Variants in ARF1 observed in about 807,000 individuals in gnomAD.
ARF1 encodes the protein ARF GTPase 1.
Under a neutral mutation model 18.0 loss-of-function variants are expected in ARF1, and 1 was observed. That is an observed-to-expected ratio of 0.06 (90% CI 0.02 to 0.26). The LOEUF (loss-of-function observed/expected upper bound fraction) is 0.26, where lower values mean the gene tolerates loss of function less well. Among genes scored for constraint, ARF1 ranks in the 10% least tolerant of loss-of-function variants. The pLI is 1.00. For synonymous variants in ARF1, 112 were observed against 96.3 expected, an observed-to-expected ratio of 1.16 and a Z score of -0.95; for missense variants, 73 against 247.2, an observed-to-expected ratio of 0.30 and a Z score of 4.73.
chr1:228,085,207 C>T (rs1476526871), intron 1 of ARF1, among the ~76,000 whole-genome samples: 2 of 152,254 alleles, frequency 1.3e-5, no homozygotes, highest in Non-Finnish European at 2.9e-5. Flanking sequence ...CCCGTAGCGT[C>T]TGAAGTGGTC....
intron 1 of ARF1, among the ~76,000 whole-genome samples, chr1:228,086,440 C>T (rs555300200): frequency 5.9e-5 from 9 of 151,268 alleles, no homozygotes; most frequent in African/African-American, 1.5e-4. Flanking sequence ...GGCGTGAACC[C>T]GGGAGGTGGA....
In ARF1 at chr1:228,082,935, TGGGGCCCG is replaced by T. The variant is rs2124838553; in HGVS notation, c.-38+172_-38+179del. On this transcript the variant is annotated intron_variant, in intron 1 of 4. Transcript: ENST00000272102. This position sits in a 1 kb window ranked among gnomAD's most constrained non-coding sequence, Gnocchi z 6.1. Reference sequence around the variant, plus strand: ...GGACGCAGACGGGCCGGGCTGAGGCTGGGGCCCGGCCGGAGTCGGGGCTGGGCGGACGG... The same window carrying T: ...GGACGCAGACGGGCCGGGCTGAGGCTGCCGGAGTCGGGGCTGGGCGGACGG... 6.6e-6 allele frequency: 1 copy of T among 152,322 alleles called. No homozygotes were observed. Among genetic ancestry groups the T allele is most frequent in the South Asian group, 1.9e-4 (1 of 5,274 alleles). The allele number at this position is 152,322 out of a possible 1,614,324, so 9.4% of individuals were successfully genotyped here. A position where few individuals can be genotyped will look rare whatever the true frequency, so the allele number is the denominator to read the frequency against.
In ARF1 at chr1:228,098,347, G is replaced by A. The variant is rs1005145583; in HGVS notation, c.*334G>A. On this transcript the variant is annotated 3_prime_UTR_variant, in exon 5 of 5. Coordinates refer to ENST00000272102, the MANE Select transcript of ARF1 (RefSeq NM_001658.4). ...CAGGAGTCGCTGTGTTGGGAGAGCC[G>A]GCCACGCCCTTGGCTTTAGAGCTGT... 3 of 205,812 alleles carry A rather than the reference G, an allele frequency of 1.5e-5. No individual in the cohort carries two copies. The highest frequency in any genetic ancestry group is 5.6e-5 in the Admixed American group (1 of 17,770). The allele number at this position is 205,812 out of a possible 1,614,324, so 12.7% of individuals were successfully genotyped here.
rs967357968 is a variant in ARF1 at position 228,089,189 on chromosome 1, C to T, written c.-38+6424C>T. Among the ~76,000 whole-genome samples, 10 of 152,048 alleles carry T rather than the reference C, an allele frequency of 6.6e-5. No homozygotes were observed. The highest frequency in any genetic ancestry group is 2.0e-4 in the Admixed American group (3 of 15,272). ...AAAGTCTTGAAGAGAAATGTGGGGT[C>T]GTTGTGTAGGGGCCACCATCACCTG... On this transcript the variant is annotated intron_variant, in intron 1 of 4. Coordinates refer to ENST00000272102, the MANE Select transcript of ARF1 (RefSeq NM_001658.4). This position sits in a 1 kb window ranked among gnomAD's most constrained non-coding sequence, Gnocchi z 4.1.
chr1:228,082,734 C>T lies in ARF1; in HGVS notation c.-69C>T, dbSNP rs111867710. On this transcript the variant is annotated 5_prime_UTR_variant, in exon 1 of 5. Coordinates refer to ENST00000272102, the MANE Select transcript of ARF1 (RefSeq NM_001658.4). This position sits in a 1 kb window ranked among gnomAD's most constrained non-coding sequence, Gnocchi z 6.1. ...GAGCCGCCATCTTGTGGGAGCAAAA[C>T]CAACGCCTGGCTCGGAGCAGCAGCC... 6.6e-6 allele frequency: 1 copy of T among 151,930 alleles called. No homozygotes were observed. Among genetic ancestry groups the T allele is most frequent in the Non-Finnish European group, 1.5e-5 (1 of 67,976 alleles). The allele number at this position is 151,930 out of a possible 1,614,324, so 9.4% of individuals were successfully genotyped here. A position where few individuals can be genotyped will look rare whatever the true frequency, so the allele number is the denominator to read the frequency against.
At position 228,097,278 on chromosome 1, in the gene ARF1, G is replaced by A. The variant is rs2032779915; in HGVS notation, c.148+16G>A. The A allele has an allele frequency of 1.9e-6, 3 of 1,609,402 alleles. No homozygotes were observed. The highest frequency in any genetic ancestry group is 2.5e-6 in the Non-Finnish European group (3 of 1,177,068). On this transcript the variant is annotated intron_variant, in intron 2 of 4. Transcript: ENST00000272102. This position sits in a 1 kb window ranked among gnomAD's most constrained non-coding sequence, Gnocchi z 8.1. ...CCCACCATAGGTGAGGTGGGGGCCAGCAGGGAGTGGGCTGGGCTGGGCTGG... is the reference window on the plus strand; with the variant it reads ...CCCACCATAGGTGAGGTGGGGGCCAACAGGGAGTGGGCTGGGCTGGGCTGG...
chr1:228,094,526 A>G (rs2032675025), intron 1 of ARF1, among the ~76,000 whole-genome samples: 1 of 152,030 alleles, frequency 6.6e-6, no homozygotes, highest in Non-Finnish European at 1.5e-5. Flanking sequence ...CCAACCCCAT[A>G]ATAAGAATAC....
Position 228,097,270 on chromosome 1 carries a change from G to A in ARF1, c.148+8G>A, listed in dbSNP as rs755663535. 6.8e-6 allele frequency: 11 copies of A among 1,609,694 alleles called. No homozygotes were observed. In the South Asian group the frequency reaches 1.1e-4, roughly 16 times the overall value. The stretch of plus-strand genomic sequence containing the variant: ...CCACCATTCCCACCATAGGTGAGGT[G>A]GGGGCCAGCAGGGAGTGGGCTGGGC... On this transcript the variant is annotated splice_region_variant and intron_variant, in intron 2 of 4. Coordinates refer to ENST00000272102, the MANE Select transcript of ARF1 (RefSeq NM_001658.4). The surrounding 1 kb of genome is among the most constrained non-coding windows in gnomAD (Gnocchi z 8.1).
intron 1 of ARF1, among the ~76,000 whole-genome samples, chr1:228,095,244 T>C (rs2032703210): frequency 7.8e-6 from 1 of 127,636 alleles, no homozygotes; most frequent in Non-Finnish European, 1.6e-5. Flanking sequence ...TCTCTTATGT[T>C]GGTGGCCTTT....
chr1:228,097,918 A>G lies in ARF1; in HGVS notation c.451A>G (p.Arg151Gly). Residue 151 changes from arginine (R) to glycine (G), a missense_variant, in exon 5 of 5, where the codon AGG becomes GGG. Arg to Gly is a moderately radical substitution (Grantham distance 125, BLOSUM62 -2). Around this residue, in one of 3 missense-constraint regions of ARF1, gnomAD observed 48 missense variants for 144.7 expected, o/e 0.33. Transcript: ENST00000272102. The surrounding 1 kb of genome is among the most constrained non-coding windows in gnomAD (Gnocchi z 8.1). ...DKLGLHSLRH[R>G]NWYIQATCAT... ...GCTGGGGCTGCACTCACTACGCCAC[A>G]GGAACTGGTACATTCAGGCCACCTG... The G allele has an allele frequency of 6.2e-7, 1 of 1,614,190 alleles. No individual in the cohort carries two copies. Among genetic ancestry groups the G allele is most frequent in the Non-Finnish European group, 8.5e-7 (1 of 1,180,022 alleles).
intron 1 of ARF1, among the ~76,000 whole-genome samples, chr1:228,093,820 C>T (rs146725028): frequency 4.0e-5 from 6 of 151,654 alleles, no homozygotes; most frequent in Non-Finnish European, 5.9e-5. Flanking sequence ...CCCAGCTACT[C>T]GGGAAGCTGA....
chr1:228,096,401 T>C (rs1408612538), intron 1 of ARF1: 3 of 152,284 alleles, frequency 2.0e-5, no homozygotes, highest in African/African-American at 7.2e-5. Flanking sequence ...TTCGTGAAAT[T>C]GCCCACTGGC....
intron 1 of ARF1, chr1:228,088,223 A>G (rs73092948): frequency 0.011 from 1,688 of 152,680 alleles, 23 homozygotes; most frequent in African/African-American, 0.037. Flanking sequence ...GACAGGTGCC[A>G]TGTGAGCAGA....
chr1:228,093,442 G>A (rs977635703), intron 1 of ARF1, among the ~76,000 whole-genome samples: 3 of 152,082 alleles, frequency 2.0e-5, no homozygotes, highest in African/African-American at 4.8e-5. Flanking sequence ...GAGGCAGGAC[G>A]TGCCAGCCAC....
At chr1:228,088,791 C>G (rs923415179) in intron 1 of ARF1, among the ~76,000 whole-genome samples, 1 of 152,190 alleles carries the variant, frequency 6.6e-6, no homozygotes, top group African/African-American at 2.4e-5. Context: ...CCTTTACTCC[C>G]CATTGCATCA....
chr1:228,084,256 C>G (rs770374242), intron 1 of ARF1, among the ~76,000 whole-genome samples: 15 of 152,304 alleles, frequency 9.8e-5, no homozygotes, highest in Middle Eastern at 3.4e-3. Context: ...TTAGCTGGGT[C>G]CAAAATTGAG....
At chr1:228,088,961 G>A (rs546135210) in intron 1 of ARF1, among the ~76,000 whole-genome samples, 43 of 152,322 alleles carry the variant, frequency 2.8e-4, no homozygotes, top group African/African-American at 9.4e-4. Flanking sequence ...GGCGGCAGCC[G>A]TGGGGCAGCT....
intron 1 of ARF1, among the ~76,000 whole-genome samples, chr1:228,094,930 A>C (rs2032691356): frequency 1.3e-5 from 2 of 152,228 alleles, no homozygotes; most frequent in Non-Finnish European, 2.9e-5. Context: ...TTTGCGCTTC[A>C]GCCCTTTGAG....
In ARF1 at chr1:228,098,619, C is replaced by T. The variant is rs6920; in HGVS notation, c.*606C>T. ...GTAGAGATCCCCGCAACTCGCTTGT[C>T]CTTGGGTCACCCTGCATTCCATAGC... On this transcript the variant is annotated 3_prime_UTR_variant, in exon 5 of 5. Transcript: ENST00000272102. 0.013 allele frequency: 1,940 copies of T among 152,772 alleles called. 17 individuals carry two copies. The highest frequency in any genetic ancestry group is 0.031 in the Middle Eastern group (9 of 294). The allele number at this position is 152,772 out of a possible 1,614,324, so 9.5% of individuals were successfully genotyped here.
Sources: allele counts gnomAD v4.1 joint callset (sites outside exome capture counted in the v4.1 genomes callset), GRCh38; gene constraint gnomAD v4.1.1; regional missense constraint gnomAD v4.1.1; non-coding constraint Gnocchi (gnomAD v3.1); transcripts MANE v1.5; gene names NCBI Gene and HGNC (gene_info 2026-07-23, HGNC 2026-07-21).